SBK1: variants seen among roughly 807,000 people sequenced by gnomAD.
SBK1 encodes serine/threonine-protein kinase SBK1.
A neutral mutation model predicts 24.4 loss-of-function variants in SBK1; 11 were observed. The ratio of observed to expected loss-of-function variants is 0.45; its 90% CI spans 0.28 to 0.75. The LOEUF (loss-of-function observed/expected upper bound fraction) is 0.75, where lower values mean the gene tolerates loss of function less well. Among genes scored for constraint, SBK1 ranks in the 30% least tolerant of loss-of-function variants. The pLI, the probability that SBK1 is intolerant of heterozygous loss-of-function variation, is 0.12. For synonymous variants in SBK1, 308 were observed against 284.4 expected (o/e 1.08, Z -0.83); for missense variants, 467 against 620.5 (o/e 0.75, Z 2.63).
intron 1 of SBK1, among the ~76,000 whole-genome samples, chr16:28,280,336 A>G (rs991272641): frequency 3.6e-4 from 17 of 46,656 alleles, no homozygotes; most frequent in East Asian, 9.7e-3. Flanking sequence ...GTACATATGT[A>G]TATATATATA....
Position 28,319,689 on chromosome 16 carries a change from ACAG to A in SBK1, c.430-383_430-381del, listed in dbSNP as rs1431985974. The stretch of plus-strand genomic sequence containing the variant: ...AATCTGGAGACACAGATGCACGGAC[ACAG>A]CAGGGAACAGGACGGGAAGCTCAGG... On this transcript the variant is annotated intron_variant, in intron 3 of 3. Coordinates refer to ENST00000341901, the MANE Select transcript of SBK1 (RefSeq NM_001024401.3). This position sits in a 1 kb window ranked among gnomAD's most constrained non-coding sequence, Gnocchi z 4.0. Among the ~76,000 whole-genome samples, 1 of 152,150 alleles carries A rather than the reference ACAG, an allele frequency of 6.6e-6. No homozygotes were observed. The highest frequency in any genetic ancestry group is 1.5e-5 in the Non-Finnish European group (1 of 68,018).
At chr16:28,295,986 C>T (rs938611282) in intron 1 of SBK1, among the ~76,000 whole-genome samples, 2 of 139,520 alleles carry the variant, frequency 1.4e-5, no homozygotes, top group African/African-American at 5.4e-5. Context: ...AGTGTAATGG[C>T]GAGATCTCGG....
chr16:28,293,783 T>C (rs144875598), intron 1 of SBK1, among the ~76,000 whole-genome samples: 67 of 152,170 alleles, frequency 4.4e-4, no homozygotes, highest in South Asian at 1.0e-3. Context: ...TGTCTTTGTC[T>C]GTGAGAGTGC....
upstream of SBK1, among the ~76,000 whole-genome samples, chr16:28,288,906 C>G (rs368443974): frequency 5.9e-5 from 9 of 152,322 alleles, no homozygotes; most frequent in East Asian, 7.7e-4. Context: ...ACCAGGACTT[C>G]CCTCCCTGTA....
upstream of SBK1, chr16:28,292,264 G>GT (rs2044604132): frequency 8.2e-6 from 1 of 122,396 alleles, no homozygotes; most frequent in Non-Finnish European, 1.8e-5. Context: ...AGTGGGGTGG[G>GT]TGGGGGGTGG....
chr16:28,300,436 C>T (rs533217902), intron 1 of SBK1, among the ~76,000 whole-genome samples: 1 of 152,252 alleles, frequency 6.6e-6, no homozygotes, highest in East Asian at 1.9e-4. Context: ...CCTCCCGCTT[C>T]AGCCTCCCGA....
rs1274949980 is a variant in SBK1, at chr16:28,322,831, C to G, written c.*1910C>G. The G allele has an allele frequency of 1.3e-5, 2 of 152,500 alleles. No individual in the cohort carries two copies. The highest frequency in any genetic ancestry group is 2.9e-5 in the Non-Finnish European group (2 of 68,048). 9.4% of individuals were successfully genotyped at this position (152,500 alleles called of 1,614,324 possible). Reference sequence around the variant, plus strand: ...CGACTTCTCCTTTTGCCTTAGGCCTCGCGACATCCTGATCTCTCCTGCAAT... The same window carrying G: ...CGACTTCTCCTTTTGCCTTAGGCCTGGCGACATCCTGATCTCTCCTGCAAT... On this transcript the variant is annotated 3_prime_UTR_variant, in exon 4 of 4. Transcript: ENST00000341901.
intron 1 of SBK1, among the ~76,000 whole-genome samples, chr16:28,272,991 A>G (rs1230045386): frequency 6.6e-6 from 1 of 151,936 alleles, no homozygotes; most frequent in African/African-American, 2.4e-5. Flanking sequence ...TTTTTCATCC[A>G]TTCAACCCAT....
At chr16:28,300,907 G>A (rs2044674167) in intron 1 of SBK1, among the ~76,000 whole-genome samples, 1 of 152,204 alleles carries the variant, frequency 6.6e-6, no homozygotes, top group South Asian at 2.1e-4. Context: ...TGGACCGCAG[G>A]CTCCTAGGCT....
chr16:28,264,369 T>C (rs977274888), intron 1 of SBK1, among the ~76,000 whole-genome samples: 1 of 147,950 alleles, frequency 6.8e-6, no homozygotes, highest in African/African-American at 2.5e-5. Flanking sequence ...AGGTCAGGAG[T>C]TCAAGACCAG....
At chr16:28,311,935 G>A (rs2044757189) in intron 1 of SBK1, among the ~76,000 whole-genome samples, 1 of 152,272 alleles carries the variant, frequency 6.6e-6, no homozygotes, top group Non-Finnish European at 1.5e-5. Context: ...GTGGGAGGCA[G>A]GGAGGGCTTG....
rs201837356 is a variant in SBK1, at chr16:28,318,945, G to A, written c.227-50G>A. On this transcript the variant is annotated intron_variant, in intron 2 of 3. Transcript: ENST00000341901. ...AGACAGGCATGGGTGCATCCAGTGC[G>A]GAGGCACTGGGAGAGGGGGCTTCAA... 303 of 1,355,090 alleles carry A rather than the reference G, an allele frequency of 2.2e-4. 5 individuals are homozygous for A. In the East Asian group the frequency reaches 6.3e-3, roughly 28 times the overall value. The allele number at this position is 1,355,090 out of a possible 1,614,324, so 83.9% of individuals were successfully genotyped here.
chr16:28,321,284 T>A lies in SBK1; in HGVS notation c.*363T>A, dbSNP rs2044845991. The A allele has an allele frequency of 6.1e-6, 1 of 164,422 alleles. No individual in the cohort carries two copies. The highest frequency in any genetic ancestry group is 6.5e-5 in the Admixed American group (1 of 15,456). The allele number at this position is 164,422 out of a possible 1,614,324, so 10.2% of individuals were successfully genotyped here. A position where few individuals can be genotyped will look rare whatever the true frequency, so the allele number is the denominator to read the frequency against. The stretch of plus-strand genomic sequence containing the variant: ...CGGGCCACACTCCCAGACGCCTCCC[T>A]GAGCCCTGGAACCCGGACTCGTTGC... On this transcript the variant is annotated 3_prime_UTR_variant, in exon 4 of 4. Coordinates refer to ENST00000341901, the MANE Select transcript of SBK1 (RefSeq NM_001024401.3).
chr16:28,311,073 G>A (rs1313555453), intron 1 of SBK1, among the ~76,000 whole-genome samples: 2 of 152,178 alleles, frequency 1.3e-5, no homozygotes, highest in Non-Finnish European at 2.9e-5. Flanking sequence ...TGAAGGGAGA[G>A]GGAGGTGTGG....
At chr16:28,276,221 G>A (rs2044493140) in intron 1 of SBK1, among the ~76,000 whole-genome samples, 2 of 152,166 alleles carry the variant, frequency 1.3e-5, no homozygotes, top group Admixed American at 6.5e-5. Flanking sequence ...TGGGCTCCAC[G>A]GACAGCAACG....
chr16:28,304,446 G>C (rs1362558177), intron 1 of SBK1, among the ~76,000 whole-genome samples: 1 of 152,104 alleles, frequency 6.6e-6, no homozygotes, highest in Non-Finnish European at 1.5e-5. Flanking sequence ...TCAGTCCCTG[G>C]CTCTGCCACT....
At chr16:28,313,264 C>T (rs1329500257) in intron 1 of SBK1, among the ~76,000 whole-genome samples, 1 of 152,094 alleles carries the variant, frequency 6.6e-6, no homozygotes, top group Non-Finnish European at 1.5e-5. Flanking sequence ...CACTGCACTC[C>T]AGCCTGGGCA....
chr16:28,278,403 C>T (rs1228690188), intron 1 of SBK1, among the ~76,000 whole-genome samples: 4 of 152,062 alleles, frequency 2.6e-5, no homozygotes, highest in Non-Finnish European at 5.9e-5. Flanking sequence ...GTGCAGTGTC[C>T]TGATCCTGGC....
chr16:28,294,927 C>T (rs1474374239), intron 1 of SBK1, among the ~76,000 whole-genome samples: 1 of 152,232 alleles, frequency 6.6e-6, no homozygotes, highest in Non-Finnish European at 1.5e-5. Flanking sequence ...CTTGGGCAAG[C>T]ACGTGGCCCT....
Sources: gnomAD v4.1 joint callset for allele counts (sites outside exome capture counted in the v4.1 genomes callset) on GRCh38, gnomAD v4.1.1 for gene constraint, Gnocchi (gnomAD v3.1) non-coding constraint, MANE v1.5 for transcripts, NCBI Gene and HGNC (gene_info 2026-07-23, HGNC 2026-07-21) for gene names.